The following CYP19A1 variants were observed in gnomAD, a reference collection of about 807,000 sequenced individuals.
The protein encoded by CYP19A1 is cytochrome P450 family 19 subfamily A member 1, also known as aromatase.
In CYP19A1, 32 loss-of-function variants were observed where a neutral mutation model predicts 44.4. The observed-to-expected ratio is 0.72, with a 90% CI of 0.54 to 0.97. The LOEUF (loss-of-function observed/expected upper bound fraction) is 0.97, where lower values mean the gene tolerates loss of function less well. Ranked by LOEUF, CYP19A1 falls within the 50% of genes least tolerant of loss-of-function variation. The pLI is 0.00. For missense variants in CYP19A1, 598 were observed against 637.8 expected, an observed-to-expected ratio of 0.94 and a Z score of 0.67; for synonymous variants, 212 against 215.6, an observed-to-expected ratio of 0.98 and a Z score of 0.14.
chr15:51,257,958 G>A (rs959506015), intron 1 of CYP19A1, among the ~76,000 whole-genome samples: 1 of 152,300 alleles, frequency 6.6e-6, no homozygotes, highest in Middle Eastern at 3.4e-3. Flanking sequence ...TGCTTACTCT[G>A]TGCTAGGCAC....
chr15:51,211,550 C>T (rs927677472), intron 9 of CYP19A1: 1 of 353,400 alleles, frequency 2.8e-6, no homozygotes, highest in Non-Finnish European at 5.6e-6. Flanking sequence ...GGACTTAGTG[C>T]CTGGCATATA....
chr15:51,247,062 G>A (rs1213091190), intron 1 of CYP19A1, among the ~76,000 whole-genome samples: 1 of 152,098 alleles, frequency 6.6e-6, no homozygotes. Flanking sequence ...CTCATTCTGT[G>A]GCGTTGGACC....
At chr15:51,219,992 T>C (rs577147269) in intron 5 of CYP19A1, among the ~76,000 whole-genome samples, 1 of 152,284 alleles carries the variant, frequency 6.6e-6, no homozygotes, top group Admixed American at 6.5e-5. Flanking sequence ...CTCCAGCTCT[T>C]GTATGGAGTA....
At chr15:51,221,427 G>C (rs1204302059) in intron 5 of CYP19A1, 1 of 152,194 alleles carries the variant, frequency 6.6e-6, no homozygotes, top group Non-Finnish European at 1.5e-5. Flanking sequence ...TTCCAGGTTA[G>C]TGTGTGGATA....
At chr15:51,328,858 G>C (rs1018789398) in intron 1 of CYP19A1, among the ~76,000 whole-genome samples, 1 of 152,282 alleles carries the variant, frequency 6.6e-6, no homozygotes, top group East Asian at 1.9e-4. Context: ...AGAGCAAAAA[G>C]TTTACTGTCC....
Position 51,324,695 on chromosome 15 carries a change from A to G in CYP19A1, c.-39+13800T>C, listed in dbSNP as rs571131528. On this transcript the variant is annotated intron_variant, in intron 1 of 9. Coordinates refer to ENST00000396402, the MANE Select transcript of CYP19A1 (RefSeq NM_000103.4). ...ATCCAACTAGCAAACAAACACATAGAAATTAAAATTGAGAAAAAGCAATGG... is the reference window on the plus strand; with the variant it reads ...ATCCAACTAGCAAACAAACACATAGGAATTAAAATTGAGAAAAAGCAATGG... Among the ~76,000 whole-genome samples the G allele has an allele frequency of 6.6e-5, 10 of 152,402 alleles. No individual in the cohort carries two copies. In the East Asian group the frequency reaches 1.5e-3, roughly 23 times the overall value.
At chr15:51,263,511 T>C (rs2034806504) in intron 1 of CYP19A1, among the ~76,000 whole-genome samples, 3 of 152,130 alleles carry the variant, frequency 2.0e-5, no homozygotes, top group Admixed American at 6.5e-5. Context: ...TTGCTTGGCT[T>C]TGTTTGTGAG....
Position 51,288,932 on chromosome 15 carries a change from G to A in CYP19A1, c.-38-45982C>T, listed in dbSNP as rs556531404. Among the ~76,000 whole-genome samples, 4 of 152,336 alleles carry A rather than the reference G, an allele frequency of 2.6e-5. No individual in the cohort carries two copies. The East Asian group carries it at 7.7e-4, about 29-fold the overall frequency. On this transcript the variant is annotated intron_variant, in intron 1 of 9. Coordinates refer to ENST00000396402, the MANE Select transcript of CYP19A1 (RefSeq NM_000103.4). Reference sequence around the variant, plus strand: ...AAGCTTCATTATGAGCAAAAGATCTGCAATGTGGCAGTGACCTCCCCGCAA... The same window carrying A: ...AAGCTTCATTATGAGCAAAAGATCTACAATGTGGCAGTGACCTCCCCGCAA...
At chr15:51,222,266 G>A in intron 5 of CYP19A1, 83 bp downstream of exon 5, 8 of 1,607,760 alleles carry the variant, frequency 5.0e-6, no homozygotes, top group Non-Finnish European at 6.8e-6. Context: ...AATGGCATGT[G>A]ATTCCTTTGG....
At chr15:51,233,856 C>T (rs896517427) in intron 3 of CYP19A1, among the ~76,000 whole-genome samples, 7 of 152,128 alleles carry the variant, frequency 4.6e-5, no homozygotes, top group Non-Finnish European at 1.5e-5. Context: ...GTACAGCTGC[C>T]TGGGTAGCTG....
At chr15:51,234,412 G>A (rs971765288) in intron 3 of CYP19A1, among the ~76,000 whole-genome samples, 2 of 152,148 alleles carry the variant, frequency 1.3e-5, no homozygotes, top group Admixed American at 1.3e-4. Flanking sequence ...GGGGTTGTTG[G>A]AGTCAGTTTC....
At chr15:51,337,332 A>C (rs1391629637) in intron 1 of CYP19A1, among the ~76,000 whole-genome samples, 1 of 152,250 alleles carries the variant, frequency 6.6e-6, no homozygotes. Flanking sequence ...AGGCACACAC[A>C]GTGTAAGTCT....
intron 1 of CYP19A1, among the ~76,000 whole-genome samples, chr15:51,309,744 A>T (rs954445504): frequency 3.9e-5 from 6 of 152,240 alleles, no homozygotes; most frequent in Non-Finnish European, 1.5e-5. Flanking sequence ...CTCCAGAATC[A>T]GGCTAGAAAT....
intron 1 of CYP19A1, among the ~76,000 whole-genome samples, chr15:51,302,434 G>A (rs1392566943): frequency 6.6e-6 from 1 of 152,176 alleles, no homozygotes; most frequent in African/African-American, 2.4e-5. Flanking sequence ...GCCCTCAGAG[G>A]GCCCTTGTCA....
chr15:51,275,856 T>C (rs2470159), intron 1 of CYP19A1, among the ~76,000 whole-genome samples: 151,969 of 152,316 alleles, frequency 1, 75,816 homozygotes, highest in Middle Eastern at 1. Flanking sequence ...TGGATTCATT[T>C]GTAACATAGA....
At chr15:51,238,166 A>G (rs545504338) in intron 2 of CYP19A1, among the ~76,000 whole-genome samples, 26 of 152,352 alleles carry the variant, frequency 1.7e-4, no homozygotes, top group African/African-American at 5.8e-4. Flanking sequence ...ATCTTTGCTA[A>G]TACCTACAGA....
chr15:51,291,613 A>T (rs1190404710), intron 1 of CYP19A1, among the ~76,000 whole-genome samples: 1 of 152,216 alleles, frequency 6.6e-6, no homozygotes, highest in Non-Finnish European at 1.5e-5. Context: ...AGCAAGACCA[A>T]CGTAGAGAGG....
At chr15:51,298,885 A>G (rs939150971) in intron 1 of CYP19A1, among the ~76,000 whole-genome samples, 1 of 151,916 alleles carries the variant, frequency 6.6e-6, no homozygotes, top group Non-Finnish European at 1.5e-5. Context: ...TAATGGGATC[A>G]CTGCTTTTCC....
chr15:51,329,541 T>C (rs183370105), intron 1 of CYP19A1, among the ~76,000 whole-genome samples: 1 of 152,322 alleles, frequency 6.6e-6, no homozygotes, highest in East Asian at 1.9e-4. Flanking sequence ...AGGGAAATTT[T>C]ACAAGGTAAA....
Sources: allele counts gnomAD v4.1 joint callset (sites outside exome capture counted in the v4.1 genomes callset), GRCh38; gene constraint gnomAD v4.1.1; transcripts MANE v1.5; gene names NCBI Gene and HGNC (gene_info 2026-07-23, HGNC 2026-07-21).